TSNARE1: variants seen among roughly 807,000 people sequenced by gnomAD.
The protein encoded by TSNARE1 is t-SNARE domain-containing protein 1.
Under a neutral mutation model 62.0 loss-of-function variants are expected in TSNARE1, and 49 were observed. The observed-to-expected ratio is 0.79, with a 90% confidence interval of 0.63 to 1.00. TSNARE1 has a LOEUF of 1.00. Ranked by LOEUF, TSNARE1 falls within the 50% of genes least tolerant of loss-of-function variation. TSNARE1 has a pLI of 0.00. For missense variants in TSNARE1, 755 were observed against 700.1 expected, an observed-to-expected ratio of 1.08 and a Z score of -0.88; for synonymous variants, 328 against 294.4, an observed-to-expected ratio of 1.11 and a Z score of -1.17.
chr8:142,249,761 G>A (rs919103697), intron 12 of TSNARE1, among the ~76,000 whole-genome samples: 1 of 152,204 alleles, frequency 6.6e-6, no homozygotes, highest in Non-Finnish European at 1.5e-5. Context: ...CCTTCAGGGA[G>A]ACCGTGGCAC....
intron 11 of TSNARE1, among the ~76,000 whole-genome samples, chr8:142,283,731 G>T (rs1434718739): frequency 8.3e-3 from 978 of 117,440 alleles, no homozygotes; most frequent in South Asian, 0.016. Flanking sequence ...ATGAGCAGAG[G>T]CGGGGTTAGT....
At chr8:142,382,148 T>C (rs1174062933) in intron 1 of TSNARE1, among the ~76,000 whole-genome samples, 1 of 152,142 alleles carries the variant, frequency 6.6e-6, no homozygotes, top group African/African-American at 2.4e-5. Context: ...TGTGAGCGTG[T>C]GTGCTCATGT....
At chr8:142,373,940 AG>A (rs1366734527) in intron 1 of TSNARE1, among the ~76,000 whole-genome samples, 1 of 152,196 alleles carries the variant, frequency 6.6e-6, no homozygotes, top group Non-Finnish European at 1.5e-5. Flanking sequence ...CTCAGGCTCC[AG>A]GTAATACACT....
At position 142,284,298 on chromosome 8, in the gene TSNARE1, G is replaced by A. The variant is rs1475455968; in HGVS notation, c.1363+115C>T. 3 of 786,762 alleles carry A rather than the reference G, an allele frequency of 3.8e-6. No homozygotes were observed. In the South Asian group the frequency reaches 4.6e-5, roughly 12 times the overall value. The allele number at this position is 786,762 out of a possible 1,614,324, so 48.7% of individuals were successfully genotyped here. The stretch of plus-strand genomic sequence containing the variant: ...TGCTCAGACCTGGACCCCAGCCTGG[G>A]CCTGGCTCCTCTTAGAGGCCCCTTC... On this transcript the variant is annotated intron_variant, in intron 11 of 13. Transcript: ENST00000524325.
intron 11 of TSNARE1, chr8:142,277,856 G>A (rs1046290820): frequency 4.1e-6 from 4 of 985,248 alleles, no homozygotes; most frequent in African/African-American, 1.7e-5. Flanking sequence ...AGGACTTGCA[G>A]AAAAGGACTA....
At chr8:142,318,697 C>T in intron 6 of TSNARE1, 63 bp from the exon 7 acceptor site, 1 of 1,554,712 alleles carries the variant, frequency 6.4e-7, no homozygotes, top group Non-Finnish European at 8.9e-7. Context: ...AGCAAGGGCC[C>T]AGAAGGACGG....
chr8:142,347,521 A>T (rs1454224435), intron 2 of TSNARE1, among the ~76,000 whole-genome samples: 1 of 152,052 alleles, frequency 6.6e-6, no homozygotes, highest in Non-Finnish European at 1.5e-5. Flanking sequence ...CAAGCTGGAA[A>T]CCCCGGACAA....
At chr8:142,239,899 A>G (rs919647802) in intron 12 of TSNARE1, among the ~76,000 whole-genome samples, 68 of 152,376 alleles carry the variant, frequency 4.5e-4, no homozygotes, top group Middle Eastern at 3.4e-3. Context: ...TGTTATGTAC[A>G]TTTGAAATAT....
chr8:142,295,237 G>T (rs1278475169), intron 10 of TSNARE1, among the ~76,000 whole-genome samples: 1 of 152,242 alleles, frequency 6.6e-6, no homozygotes, highest in African/African-American at 2.4e-5. Context: ...GAGATGGTGG[G>T]CAGCCCCAGG....
intron 12 of TSNARE1, among the ~76,000 whole-genome samples, chr8:142,261,382 A>G (rs1586888584): frequency 5.5e-5 from 3 of 54,750 alleles, no homozygotes; most frequent in Admixed American, 2.3e-4. Context: ...GATGGAGGAG[A>G]GAGGGGGGAG....
At chr8:142,381,782 C>G (rs376650259) in intron 1 of TSNARE1, among the ~76,000 whole-genome samples, 2 of 152,322 alleles carry the variant, frequency 1.3e-5, no homozygotes, top group African/African-American at 4.8e-5. Context: ...CGTCACCTCC[C>G]CGCAGCTCGG....
At chr8:142,259,649 TC>T (rs1176364148) in intron 12 of TSNARE1, among the ~76,000 whole-genome samples, 1 of 152,174 alleles carries the variant, frequency 6.6e-6, no homozygotes, top group Non-Finnish European at 1.5e-5. Context: ...AAAGGCAGCC[TC>T]CTTCGCCCCG....
intron 1 of TSNARE1, among the ~76,000 whole-genome samples, chr8:142,374,279 T>C (rs1448941081): frequency 6.7e-6 from 1 of 150,240 alleles, no homozygotes; most frequent in African/African-American, 2.5e-5. Context: ...CACTACAGCA[T>C]GGGAGACAGA....
At chr8:142,284,624 G>A in intron 10 of TSNARE1, 139 bp from the exon 11 acceptor site, 1 of 696,380 alleles carries the variant, frequency 1.4e-6, no homozygotes, top group South Asian at 1.7e-5. Context: ...CTGGGGACCG[G>A]CTGGTCTGTC....
chr8:142,388,159 T>C (rs1043278608), intron 1 of TSNARE1, among the ~76,000 whole-genome samples: 16 of 152,262 alleles, frequency 1.1e-4, no homozygotes, highest in Non-Finnish European at 1.9e-4. Context: ...AAAAATCATA[T>C]GATCACCCCA....
At chr8:142,222,392 CCACTCACTCATTCACT>C (rs1816363385) in intron 13 of TSNARE1, among the ~76,000 whole-genome samples, 1 of 142,554 alleles carries the variant, frequency 7.0e-6, no homozygotes, top group African/African-American at 2.6e-5. Context: ...ACTCAGTCAT[CCACTCACTCATTCACT>C]CACTCACTCA....
At chr8:142,263,095 T>C (rs1818971558) in intron 12 of TSNARE1, among the ~76,000 whole-genome samples, 5 of 151,546 alleles carry the variant, frequency 3.3e-5, no homozygotes, top group Admixed American at 3.3e-4. Context: ...CCCTCGACTT[T>C]CTCTGTTTTT....
chr8:142,262,743 T>A (rs925771062), intron 12 of TSNARE1, among the ~76,000 whole-genome samples: 2 of 151,570 alleles, frequency 1.3e-5, no homozygotes, highest in African/African-American at 4.8e-5. Flanking sequence ...CCTTCCACCA[T>A]GATTGTAAGT....
chr8:142,327,311 G>T (rs1233478968), intron 6 of TSNARE1, among the ~76,000 whole-genome samples: 2 of 152,186 alleles, frequency 1.3e-5, no homozygotes, highest in East Asian at 3.9e-4. Context: ...GTGGGACAGA[G>T]AGGGGGCGGT....
Sources: allele counts gnomAD v4.1 joint callset (sites outside exome capture counted in the v4.1 genomes callset), GRCh38; gene constraint gnomAD v4.1.1; transcripts MANE v1.5; gene names NCBI Gene and HGNC (gene_info 2026-07-23, HGNC 2026-07-21).